AZIN2: variants seen among roughly 807,000 people sequenced by gnomAD.
AZIN2 encodes the protein ODC antizyme inhibitor-2.
Under a neutral mutation model 47.8 loss-of-function variants are expected in AZIN2, and 28 were observed. The ratio of observed to expected loss-of-function variants is 0.59; its 90% CI spans 0.43 to 0.80. AZIN2 has a LOEUF of 0.80. AZIN2 is among the 30% of genes least tolerant of loss of function. AZIN2 has a pLI of 0.00. For synonymous variants in AZIN2, 221 were observed against 239.4 expected, an observed-to-expected ratio of 0.92 and a Z score of 0.71; for missense variants, 535 against 582.5, an observed-to-expected ratio of 0.92 and a Z score of 0.84.
At chr1:33,130,499 C>T in the AZIN2 span, among the ~76,000 whole-genome samples, 3 of 152,140 alleles carry the variant, frequency 2.0e-5, no homozygotes, top group South Asian at 4.1e-4. Flanking sequence ...GACTAATCAA[C>T]GGCTAGCAAG....
the AZIN2 span, chr1:33,165,755 C>T: frequency 1.6e-3 from 667 of 429,470 alleles, 5 homozygotes; most frequent in East Asian, 0.019. The surrounding 1 kb of genome is among the most constrained non-coding windows in gnomAD (Gnocchi z 4.0). Context: ...AGAACCCGTC[C>T]GTATCTTTCA....
intron 5 of AZIN2, among the ~76,000 whole-genome samples, chr1:33,085,447 C>G (rs1434661332): frequency 1.3e-5 from 2 of 151,838 alleles, no homozygotes; most frequent in Non-Finnish European, 2.9e-5. Context: ...GCATTTCAGG[C>G]AGCAGGAACA....
rs147747940 is a variant in AZIN2 at position 33,096,920 on chromosome 1, A to C, written c.916+51A>C. On this transcript the variant is annotated intron_variant, in intron 9 of 11. Transcript: ENST00000294517. The stretch of plus-strand genomic sequence containing the variant: ...CCTGTTCTCCCCTGAAGCTTCAGAT[A>C]GTGGTTGGCTGAGCAGGATCTGGTT... 2,667 of 1,609,826 alleles carry C rather than the reference A, an allele frequency of 1.7e-3. 73 individuals carry two copies. In the Admixed American group the frequency reaches 0.036, roughly 22 times the overall value.
At chr1:33,125,633 G>A (rs2124686507), downstream of AZIN2, among the ~76,000 whole-genome samples, 1 of 152,290 alleles carries the variant, frequency 6.6e-6, no homozygotes, top group South Asian at 2.1e-4. Context: ...TTACAGGGAT[G>A]AGGCTCTAAA....
intron 5 of AZIN2, among the ~76,000 whole-genome samples, chr1:33,088,513 T>C (rs560044665): frequency 1.3e-5 from 2 of 152,310 alleles, no homozygotes; most frequent in South Asian, 2.1e-4. Flanking sequence ...AAAATGCAAA[T>C]CTGACCATGT....
At position 33,081,602 on chromosome 1, in the gene AZIN2, A is replaced by T. The variant is rs933968601; in HGVS notation, c.-283A>T. 1 of 158,554 alleles carries T rather than the reference A, an allele frequency of 6.3e-6. No homozygotes were observed. The highest frequency in any genetic ancestry group is 2.4e-5 in the African/African-American group (1 of 41,422). The allele number at this position is 158,554 out of a possible 1,614,324, so 9.8% of individuals were successfully genotyped here. On this transcript the variant is annotated splice_region_variant and 5_prime_UTR_variant, in exon 3 of 12. Transcript: ENST00000294517. The surrounding 1 kb of genome is among the most constrained non-coding windows in gnomAD (Gnocchi z 4.2). ...CCTCGGCCTTCCGTTCTCTCCCAGG[A>T]GCTTGCGGCCCCCACCCACCGCGTG...
chr1:33,164,382 A>G, the AZIN2 span: 1 of 152,426 alleles, frequency 6.6e-6, no homozygotes, highest in South Asian at 2.1e-4. Flanking sequence ...AAATCACCCC[A>G]GGCCTCACGA....
At chr1:33,138,560 T>A in the AZIN2 span, among the ~76,000 whole-genome samples, 9 of 149,568 alleles carry the variant, frequency 6.0e-5, no homozygotes, top group Non-Finnish European at 1.3e-4. Context: ...GCTGAGGCAC[T>A]GTGATCGTGC....
the AZIN2 span, among the ~76,000 whole-genome samples, chr1:33,162,648 G>T: frequency 6.6e-6 from 1 of 152,212 alleles, no homozygotes; most frequent in Non-Finnish European, 1.5e-5. Context: ...CTTCTTTCCA[G>T]GCTGGGGTTT....
the AZIN2 span, chr1:33,143,266 CTG>C: frequency 1.2e-4 from 19 of 152,274 alleles, no homozygotes; most frequent in African/African-American, 4.3e-4. Flanking sequence ...CACGTGGAAA[CTG>C]TGAGTAAAGC....
At chr1:33,161,959 T>G in the AZIN2 span, among the ~76,000 whole-genome samples, 1 of 152,262 alleles carries the variant, frequency 6.6e-6, no homozygotes, top group East Asian at 1.9e-4. The surrounding 1 kb of genome is among the most constrained non-coding windows in gnomAD (Gnocchi z 4.3). Flanking sequence ...TGAACTGCTT[T>G]AAGGATGGTT....
the AZIN2 span, among the ~76,000 whole-genome samples, chr1:33,140,292 C>T: frequency 1.3e-5 from 2 of 152,218 alleles, no homozygotes; most frequent in Non-Finnish European, 2.9e-5. The surrounding 1 kb of genome is among the most constrained non-coding windows in gnomAD (Gnocchi z 4.0). Context: ...CGACTCACAG[C>T]CCCACCCTGG....
chr1:33,155,520 GGT>G, the AZIN2 span, among the ~76,000 whole-genome samples: 3 of 152,050 alleles, frequency 2.0e-5, no homozygotes, highest in African/African-American at 7.2e-5. Flanking sequence ...CCTCCTTCCT[GGT>G]GTGTGTGAGG....
At chr1:33,098,227 C>A in intron 10 of AZIN2, 48 bp downstream of exon 10, 2 of 1,325,992 alleles carry the variant, frequency 1.5e-6, no homozygotes, top group Non-Finnish European at 2.1e-6. Context: ...GTGTGTATTT[C>A]AATAACATTT....
At chr1:33,156,023 C>T in the AZIN2 span, among the ~76,000 whole-genome samples, 1 of 152,338 alleles carries the variant, frequency 6.6e-6, no homozygotes, top group African/African-American at 2.4e-5. Flanking sequence ...GCCCCACTGG[C>T]TTTGGTGCCC....
At chr1:33,140,316 C>T in the AZIN2 span, among the ~76,000 whole-genome samples, 1 of 152,260 alleles carries the variant, frequency 6.6e-6, no homozygotes, top group Non-Finnish European at 1.5e-5. The surrounding 1 kb of genome is among the most constrained non-coding windows in gnomAD (Gnocchi z 4.0). Flanking sequence ...GAGGCACAAA[C>T]CTCCAGCCTG....
At chr1:33,161,483 A>G in the AZIN2 span, among the ~76,000 whole-genome samples, 7 of 152,218 alleles carry the variant, frequency 4.6e-5, no homozygotes, top group South Asian at 8.3e-4. The surrounding 1 kb of genome is among the most constrained non-coding windows in gnomAD (Gnocchi z 4.3). Flanking sequence ...CAAAGGCTCA[A>G]TTAGGGCCTG....
At chr1:33,131,824 A>T in the AZIN2 span, among the ~76,000 whole-genome samples, 1 of 152,178 alleles carries the variant, frequency 6.6e-6, no homozygotes, top group East Asian at 1.9e-4. Context: ...CTAAATCTGT[A>T]TTCCCTACCA....
intron 5 of AZIN2, among the ~76,000 whole-genome samples, chr1:33,085,808 G>A (rs1641826042): frequency 6.6e-6 from 1 of 152,210 alleles, no homozygotes; most frequent in Non-Finnish European, 1.5e-5. Flanking sequence ...AGCTCTGTGA[G>A]GCACACAGTG....
Sources: allele counts gnomAD v4.1 joint callset (sites outside exome capture counted in the v4.1 genomes callset), GRCh38; gene constraint gnomAD v4.1.1; non-coding constraint Gnocchi (gnomAD v3.1); transcripts MANE v1.5; gene names NCBI Gene and HGNC (gene_info 2026-07-23, HGNC 2026-07-21).